Variants in ENTPD1 observed in about 807,000 individuals in gnomAD.
The protein encoded by ENTPD1 is ectonucleoside triphosphate diphosphohydrolase 1, also known as ATP diphosphohydrolase.
In ENTPD1, 33 loss-of-function variants were observed where a neutral mutation model predicts 57.0. The observed-to-expected ratio is 0.58, with a 90% CI of 0.44 to 0.77. ENTPD1 has a LOEUF of 0.77. ENTPD1 is among the 30% of genes least tolerant of loss of function. The pLI is 0.00. For missense variants in ENTPD1, 501 were observed against 603.4 expected (o/e 0.83, Z 1.78); for synonymous variants, 202 against 218.8 (o/e 0.92, Z 0.68).
intron 3 of ENTPD1, among the ~76,000 whole-genome samples, 199 bp downstream of exon 3, chr10:95,840,007 A>C (rs1227041710): frequency 6.6e-6 from 1 of 152,186 alleles, no homozygotes; most frequent in Non-Finnish European, 1.5e-5. Context: ...CCTAAGAATA[A>C]ACACACATAA....
intron 1 of ENTPD1, among the ~76,000 whole-genome samples, chr10:95,819,317 C>T (rs566250404): frequency 2.0e-4 from 30 of 152,206 alleles, no homozygotes; most frequent in African/African-American, 7.0e-4. Flanking sequence ...GCATATGCCA[C>T]CACGCCTGGC....
rs150462569 is a variant in ENTPD1 at position 95,795,556 on chromosome 10, C to T, written c.17-27681C>T. Among the ~76,000 whole-genome samples, 505 of 152,236 alleles carry T rather than the reference C, an allele frequency of 3.3e-3. 2 individuals carry two copies. Among genetic ancestry groups the T allele is most frequent in the African/African-American group, 0.012 (478 of 41,548 alleles). On this transcript the variant is annotated intron_variant, in intron 1 of 9. Transcript: ENST00000371205. ...TCCCACGTATGGACAGTAACTAAGA[C>T]CATGGGGTCCGGTGAGATCACTCTA... is the stretch of plus-strand genomic sequence containing the variant.
intron 2 of ENTPD1, among the ~76,000 whole-genome samples, chr10:95,831,406 C>A (rs183448489): frequency 2.0e-5 from 3 of 152,298 alleles, no homozygotes; most frequent in South Asian, 2.1e-4. Context: ...CCTCTCTAAG[C>A]CTTAGTTTCT....
At chr10:95,739,859 C>G (rs1408207814) in intron 1 of ENTPD1, among the ~76,000 whole-genome samples, 3 of 152,158 alleles carry the variant, frequency 2.0e-5, no homozygotes, top group Admixed American at 6.6e-5. Flanking sequence ...AGTAATAAGA[C>G]TTGAAATTAC....
Position 95,872,742 on chromosome 10 carries a change from T to A in ENTPD1, c.*6359T>A, listed in dbSNP as rs967609191. ...CTGCCAGGCCGACTACAAACCCTTC[T>A]GTTGCTGGCGAGCTGGTCCGCACCA... On this transcript the variant is annotated 3_prime_UTR_variant, in exon 10 of 10. Transcript: ENST00000371205. 2.0e-6 allele frequency: 2 copies of A among 985,454 alleles called. No individual in the cohort carries two copies. The highest frequency in any genetic ancestry group is 2.4e-6 in the Non-Finnish European group (2 of 829,938). 61.0% of individuals were successfully genotyped at this position (985,454 alleles called of 1,614,324 possible).
chr10:95,714,858 T>C (rs996851578), intron 1 of ENTPD1, among the ~76,000 whole-genome samples: 6 of 152,178 alleles, frequency 3.9e-5, no homozygotes, highest in Admixed American at 2.6e-4. Context: ...GCCCACATAT[T>C]ATCAAAATAG....
chr10:95,704,578 A>G, the ENTPD1 span, among the ~76,000 whole-genome samples: 15 of 152,130 alleles, frequency 9.9e-5, no homozygotes, highest in Non-Finnish European at 2.1e-4. Context: ...GTGCTGTACC[A>G]ATTGGATATT....
At chr10:95,759,852 A>G (rs73331159) in intron 1 of ENTPD1, among the ~76,000 whole-genome samples, 30 of 152,360 alleles carry the variant, frequency 2.0e-4, no homozygotes, top group African/African-American at 7.0e-4. Context: ...TGGTTTCTGC[A>G]TCTTCCAGCT....
chr10:95,847,323 C>T, intron 6 of ENTPD1, 123 bp from the exon 7 acceptor site: 4 of 1,139,156 alleles, frequency 3.5e-6, no homozygotes, highest in Non-Finnish European at 5.3e-6. Flanking sequence ...CAGGGCAGGA[C>T]ATATTGATTC....
In ENTPD1 at chr10:95,852,394, G is replaced by A. The variant is rs1451334986; in HGVS notation, c.1074+4688G>A. On this transcript the variant is annotated intron_variant, in intron 7 of 9. Transcript: ENST00000371205. ...ATTCTGTAGGTTGCCTGTTCACTCTGATGGTAGTTTCTTTTGCTGTGCAGA... is the reference window on the plus strand; with the variant it reads ...ATTCTGTAGGTTGCCTGTTCACTCTAATGGTAGTTTCTTTTGCTGTGCAGA... 3.3e-5 allele frequency among the ~76,000 whole-genome samples: 5 copies of A among 152,176 alleles called. No individual in the cohort carries two copies. The South Asian group carries it at 1.0e-3, about 32-fold the overall frequency.
chr10:95,774,152 A>G (rs997429326), intron 1 of ENTPD1, among the ~76,000 whole-genome samples: 1 of 152,198 alleles, frequency 6.6e-6, no homozygotes, highest in African/African-American at 2.4e-5. Context: ...GTGTCTGTTC[A>G]TATCCTTTGC....
At chr10:95,786,492 C>A (rs2098180567) in intron 1 of ENTPD1, among the ~76,000 whole-genome samples, 1 of 152,100 alleles carries the variant, frequency 6.6e-6, no homozygotes, top group African/African-American at 2.4e-5. Context: ...GCACTACCGT[C>A]CTTTGCCTGA....
intron 1 of ENTPD1, among the ~76,000 whole-genome samples, chr10:95,739,324 G>C (rs1295798428): frequency 1.3e-5 from 2 of 152,186 alleles, no homozygotes; most frequent in Non-Finnish European, 2.9e-5. Context: ...GATGCTGTTT[G>C]ATAGCATTTT....
intron 1 of ENTPD1, 134 bp downstream of exon 1, chr10:95,756,389 T>G: frequency 1.0e-6 from 1 of 1,004,208 alleles, no homozygotes; most frequent in Non-Finnish European, 1.5e-6. Flanking sequence ...ACCCTCTTCC[T>G]TCTGAGAGGA....
chr10:95,851,713 A>T (rs2098445591), intron 7 of ENTPD1, among the ~76,000 whole-genome samples: 1 of 151,816 alleles, frequency 6.6e-6, no homozygotes, highest in Non-Finnish European at 1.5e-5. Flanking sequence ...GTTTGCTGAG[A>T]ATGATGGTTT....
At chr10:95,714,961 G>T (rs2097969835) in intron 1 of ENTPD1, among the ~76,000 whole-genome samples, 1 of 152,080 alleles carries the variant, frequency 6.6e-6, no homozygotes, top group Non-Finnish European at 1.5e-5. Context: ...TTTTGCAAAA[G>T]GACAACGGGA....
intron 1 of ENTPD1, among the ~76,000 whole-genome samples, chr10:95,717,420 G>A (rs1242847156): frequency 1.3e-5 from 2 of 150,664 alleles, no homozygotes; most frequent in Admixed American, 6.6e-5. Context: ...GGGACCCAAA[G>A]GGGGTTGCCG....
chr10:95,755,251 AC>A (rs1194123557), upstream of ENTPD1: 1 of 164,296 alleles, frequency 6.1e-6, no homozygotes, highest in African/African-American at 2.4e-5. Flanking sequence ...CACATCTCTA[AC>A]CTCTTTTAGA....
chr10:95,739,642 AC>A (rs2097998216), intron 1 of ENTPD1, among the ~76,000 whole-genome samples: 1 of 151,868 alleles, frequency 6.6e-6, no homozygotes, highest in South Asian at 2.1e-4. Context: ...GAAGTCTTGA[AC>A]CCCTCCAAGT....
Sources: allele counts gnomAD v4.1 joint callset (sites outside exome capture counted in the v4.1 genomes callset), GRCh38; gene constraint gnomAD v4.1.1; transcripts MANE v1.5; gene names NCBI Gene and HGNC (gene_info 2026-07-23, HGNC 2026-07-21).